The following CSF2RA variants were observed in gnomAD, a reference collection of about 807,000 sequenced individuals.
CSF2RA encodes the protein granulocyte-macrophage colony-stimulating factor receptor subunit alpha.
Under a neutral mutation model 51.6 loss-of-function variants are expected in CSF2RA, and 42 were observed. The ratio of observed to expected loss-of-function variants is 0.81; its 90% confidence interval spans 0.64 to 1.05. CSF2RA has a LOEUF of 1.05. CSF2RA is among the 50% of genes least tolerant of loss of function. CSF2RA has a pLI of 0.00. For missense variants in CSF2RA, 530 were observed against 501.1 expected, an observed-to-expected ratio of 1.06 and a Z score of -0.55; for synonymous variants, 222 against 193.0, an observed-to-expected ratio of 1.15 and a Z score of -1.24.
intron 10 of CSF2RA, 152 bp downstream of exon 10, chrX:1,300,778 AAAG>A: frequency 9.7e-7 from 1 of 1,031,292 alleles, no homozygotes; most frequent in Non-Finnish European, 1.5e-6. Context: ...CTGAGGCTCA[AAAG>A]AAGGAGGTGG....
the CSF2RA span, among the ~76,000 whole-genome samples, chrX:1,316,472 A>G: frequency 4.6e-5 from 7 of 152,292 alleles, 1 homozygote; most frequent in South Asian, 1.2e-3. Context: ...ACCAGGGGCC[A>G]TTCCAGGACC....
chrX:1,268,818 A>C lies in CSF2RA; in HGVS notation c.-152A>C. The C allele has an allele frequency of 2.2e-6, 1 of 454,176 alleles. No homozygotes were observed. The highest frequency in any genetic ancestry group is 4.4e-6 in the Non-Finnish European group (1 of 226,790). 28.1% of individuals were successfully genotyped at this position (454,176 alleles called of 1,614,324 possible). On this transcript the variant is annotated 5_prime_UTR_variant, in exon 1 of 13. Coordinates refer to ENST00000381529, the MANE Select transcript of CSF2RA (RefSeq NM_172245.4). ...AGAGGAACTCTGAAGGGAGCTACTC[A>C]GAAGCGGGAGTCTCCGAGAGAAGAA...
chrX:1,308,854 C>G (rs754600702), intron 12 of CSF2RA, among the ~76,000 whole-genome samples: 93 of 152,270 alleles, frequency 6.1e-4, no homozygotes, highest in African/African-American at 1.7e-3. Context: ...GTTTCATGCT[C>G]ACAAGCTCTT....
chrX:1,279,851 G>A (rs1315694424), intron 2 of CSF2RA, among the ~76,000 whole-genome samples: 4 of 151,924 alleles, frequency 2.6e-5, no homozygotes, highest in South Asian at 2.1e-4. Context: ...GGGCAGTGGC[G>A]CGATCTCGGC....
intron 4 of CSF2RA, among the ~76,000 whole-genome samples, 181 bp from the exon 5 acceptor site, chrX:1,288,338 A>C (rs750688902): frequency 9.1e-6 from 1 of 109,658 alleles, no homozygotes; most frequent in South Asian, 3.2e-4. Flanking sequence ...ACAAATTAGC[A>C]GGGTGTGGTG....
the CSF2RA span, among the ~76,000 whole-genome samples, chrX:1,317,563 AT>A: frequency 4.3e-5 from 4 of 92,544 alleles, no homozygotes; most frequent in African/African-American, 2.3e-4. Flanking sequence ...TTTTATTTTT[AT>A]TTTATTTTAT....
At chrX:1,295,685 C>G in intron 9 of CSF2RA, 1 of 569,638 alleles carries the variant, frequency 1.8e-6, no homozygotes, top group South Asian at 1.9e-5. Context: ...CGTAACCCTA[C>G]AGTCCCCTAC....
rs745862289 is a variant in CSF2RA at position 1,271,985 on chromosome X, G to T, written c.-90-2770G>T. ...TTTTTTTTTTTTGAGACGGAGTCTC[G>T]CTCTGTCACCGAGGCTGGAGTGCAC... On this transcript the variant is annotated intron_variant, in intron 1 of 12. Transcript: ENST00000381529. Among the ~76,000 whole-genome samples the T allele has an allele frequency of 6.8e-5, 10 of 148,128 alleles. No individual in the cohort carries two copies. In the Middle Eastern group the frequency reaches 0.01, roughly 155 times the overall value.
chrX:1,311,955 AATTATT>A (rs1277453753), downstream of CSF2RA, among the ~76,000 whole-genome samples: 1 of 151,602 alleles, frequency 6.6e-6, no homozygotes, highest in Non-Finnish European at 1.5e-5. Flanking sequence ...TCATAAGGAC[AATTATT>A]ATTATTATTA....
chrX:1,308,626 C>A (rs1242594059), intron 12 of CSF2RA, among the ~76,000 whole-genome samples: 1 of 152,118 alleles, frequency 6.6e-6, no homozygotes, highest in Non-Finnish European at 1.5e-5. Flanking sequence ...TAGGTAACAT[C>A]CTCCTGGTTG....
chrX:1,301,331 CAAAAAAAAAA>C (rs1156943650), intron 10 of CSF2RA, among the ~76,000 whole-genome samples: 5 of 62,690 alleles, frequency 8.0e-5, no homozygotes, highest in Non-Finnish European at 1.4e-4. Flanking sequence ...GACTCTGTCT[CAAAAAAAAAA>C]AAAAAAAAAA....
At chrX:1,295,505 G>A (rs745420278) in intron 9 of CSF2RA, 49 bp downstream of exon 9, 1 of 1,561,882 alleles carries the variant, frequency 6.4e-7, no homozygotes, top group African/African-American at 1.4e-5. Context: ...TAACCCTACG[G>A]TCCCCTACTC....
At chrX:1,323,061 G>A in the CSF2RA span, among the ~76,000 whole-genome samples, 5 of 151,734 alleles carry the variant, frequency 3.3e-5, no homozygotes, top group African/African-American at 1.2e-4. Context: ...CCCGGGAGGT[G>A]GAGGTTGCAG....
chrX:1,288,957 C>CT, intron 6 of CSF2RA, 69 bp downstream of exon 6: 7 of 1,594,738 alleles, frequency 4.4e-6, no homozygotes, highest in Non-Finnish European at 6.0e-6. Context: ...TGCTGGTTTT[C>CT]TTTTTTTCCT....
chrX:1,305,237 T>C (rs1162608874), intron 11 of CSF2RA, among the ~76,000 whole-genome samples: 1 of 152,032 alleles, frequency 6.6e-6, no homozygotes, highest in Non-Finnish European at 1.5e-5. Flanking sequence ...TCCACCCGCC[T>C]CGGCCTCCCA....
chrX:1,302,469 CG>C (rs1569510392), intron 10 of CSF2RA, among the ~76,000 whole-genome samples: 1 of 151,862 alleles, frequency 6.6e-6, no homozygotes, highest in African/African-American at 2.4e-5. Context: ...TCTGGTGGGC[CG>C]GGGTGACTGC....
chrX:1,290,058 TTTTGTGTTTTTGA>T (rs1293557881), intron 6 of CSF2RA, among the ~76,000 whole-genome samples: 2 of 151,744 alleles, frequency 1.3e-5, no homozygotes, highest in Admixed American at 6.6e-5. Flanking sequence ...TTTTGTTTTG[TTTTGTGTTTTTGA>T]TTTGTGTTTT....
At chrX:1,314,982 T>TGCACCTGCCCAAC (rs1569515181), downstream of CSF2RA, among the ~76,000 whole-genome samples, 2 of 37,610 alleles carry the variant, frequency 5.3e-5, no homozygotes, top group African/African-American at 1.2e-4. Context: ...GCCTGCCCAA[T>TGCACCTGCCCAAC]CGCACTGCAC....
At chrX:1,295,917 CT>C in intron 9 of CSF2RA, among the ~76,000 whole-genome samples, 1 of 138,578 alleles carries the variant, frequency 7.2e-6, no homozygotes, top group Non-Finnish European at 1.6e-5. Context: ...TACCGATGAC[CT>C]CCAGCGTAAC....
Sources: allele counts gnomAD v4.1 joint callset (sites outside exome capture counted in the v4.1 genomes callset), GRCh38; gene constraint gnomAD v4.1.1; transcripts MANE v1.5; gene names NCBI Gene and HGNC (gene_info 2026-07-23, HGNC 2026-07-21).